Variants in ADAMTS17 observed in about 807,000 individuals in gnomAD.
ADAMTS17 encodes A disintegrin and metalloproteinase with thrombospondin motifs 17.
ADAMTS17 carries 113 observed loss-of-function variants against 141.5 expected under a neutral mutation model. The observed-to-expected ratio is 0.80, with a 90% CI of 0.69 to 0.93. The LOEUF (loss-of-function observed/expected upper bound fraction) is 0.93, where lower values mean the gene tolerates loss of function less well. Ranked by LOEUF, ADAMTS17 falls within the 40% of genes least tolerant of loss-of-function variation. The pLI is 0.00. For missense variants in ADAMTS17, 1,659 were observed against 1,517.9 expected, an observed-to-expected ratio of 1.09 and a Z score of -1.54; for synonymous variants, 768 against 630.6, an observed-to-expected ratio of 1.22 and a Z score of -3.27.
chr15:100,259,006 C>T (rs1467400317), intron 6 of ADAMTS17, among the ~76,000 whole-genome samples: 1 of 133,606 alleles, frequency 7.5e-6, no homozygotes, highest in African/African-American at 3.5e-5. Context: ...GCTTTCTCCA[C>T]TCAATGAAAC....
chr15:100,294,514 C>T (rs77717617), intron 3 of ADAMTS17, among the ~76,000 whole-genome samples: 2,231 of 152,042 alleles, frequency 0.015, 41 homozygotes, highest in African/African-American at 0.05. Flanking sequence ...GTAGAAGGAT[C>T]CCCCAAGCCT....
At chr15:100,209,143 A>C (rs2054565) in intron 7 of ADAMTS17, among the ~76,000 whole-genome samples, 61,644 of 146,364 alleles carry the variant, frequency 0.42, 13,856 homozygotes, top group African/African-American at 0.56. Flanking sequence ...AGGAAGAAAG[A>C]AAGAAAAGGA....
chr15:100,049,710 G>C lies in ADAMTS17; in HGVS notation c.2456-718C>G, dbSNP rs146508756. 3.8e-3 allele frequency among the ~76,000 whole-genome samples: 576 copies of C among 152,358 alleles called. 2 individuals carry two copies. The highest frequency in any genetic ancestry group is 0.013 in the African/African-American group (523 of 41,578). On this transcript the variant is annotated intron_variant, in intron 17 of 21. Coordinates refer to ENST00000268070, the MANE Select transcript of ADAMTS17 (RefSeq NM_139057.4). ...CAGGCTGAGTGACTGGGAGTTAGGA[G>C]GGTGGCCCTTGGAGCCAGGCTGTCT...
At chr15:100,199,182 A>C (rs1369713108) in intron 8 of ADAMTS17, 136 bp downstream of exon 8, 7 of 804,064 alleles carry the variant, frequency 8.7e-6, no homozygotes, top group Non-Finnish European at 1.3e-5. Context: ...ACCCTAGTGT[A>C]CTGACCTGGG....
chr15:100,301,707 A>G (rs1381506294), intron 3 of ADAMTS17, among the ~76,000 whole-genome samples: 2 of 152,112 alleles, frequency 1.3e-5, no homozygotes, highest in African/African-American at 4.8e-5. Flanking sequence ...TATCTTTACC[A>G]TCTTAAGAAA....
At chr15:100,233,709 A>G (rs2042563257) in intron 7 of ADAMTS17, among the ~76,000 whole-genome samples, 1 of 152,126 alleles carries the variant, frequency 6.6e-6, no homozygotes, top group Non-Finnish European at 1.5e-5. Context: ...CTCTCTGAGG[A>G]GATGCTCTTG....
chr15:100,341,405 G>C lies in ADAMTS17; in HGVS notation c.84C>G (p.Val28=). 9.8e-7 allele frequency: 1 copy of C among 1,016,038 alleles called. No homozygotes were observed. The highest frequency in any genetic ancestry group is 1.2e-6 in the Non-Finnish European group (1 of 851,704). 62.9% of individuals were successfully genotyped at this position (1,016,038 alleles called of 1,614,324 possible). A position where few individuals can be genotyped will look rare whatever the true frequency, so the allele number is the denominator to read the frequency against. The change falls in exon 2 of 22, where the codon GTC becomes GTG. Residue 28 remains valine, a synonymous_variant. Coordinates refer to ENST00000268070, the MANE Select transcript of ADAMTS17 (RefSeq NM_139057.4). ...LVWGLDPGTA[V]GDAAADVEVV... Reference sequence around the variant, plus strand: ...CCTCCACGTCGGCCGCCGCGTCGCCGACAGCTGCGGGGAGAGAGGAGACGC... The same window carrying C: ...CCTCCACGTCGGCCGCCGCGTCGCCCACAGCTGCGGGGAGAGAGGAGACGC...
chr15:100,045,663 C>A (rs1235519569), intron 18 of ADAMTS17, among the ~76,000 whole-genome samples: 4 of 152,232 alleles, frequency 2.6e-5, no homozygotes, highest in Non-Finnish European at 4.4e-5. Context: ...GGAGTTTTTC[C>A]TTCTCAGTTT....
At chr15:100,047,437 G>T (rs895118000) in intron 18 of ADAMTS17, among the ~76,000 whole-genome samples, 10 of 151,570 alleles carry the variant, frequency 6.6e-5, no homozygotes, top group African/African-American at 2.4e-4. Flanking sequence ...TACGGCTTGG[G>T]GGCATCACGG....
Position 99,973,920 on chromosome 15 carries a change from C to A in ADAMTS17, c.*482G>T. The A allele has an allele frequency of 4.2e-6, 1 of 235,786 alleles. No individual in the cohort carries two copies. Among genetic ancestry groups the A allele is most frequent in the African/African-American group, 2.3e-5 (1 of 43,350 alleles). 14.6% of individuals were successfully genotyped at this position (235,786 alleles called of 1,614,324 possible). On this transcript the variant is annotated 3_prime_UTR_variant, in exon 22 of 22. Transcript: ENST00000268070. ...AGAAACGTGTGCTAAGCAGCCCGGCCCTCCCCAGAGAAGCCACGGGCAGAG... is the reference window on the plus strand; with the variant it reads ...AGAAACGTGTGCTAAGCAGCCCGGCACTCCCCAGAGAAGCCACGGGCAGAG...
intron 10 of ADAMTS17, among the ~76,000 whole-genome samples, chr15:100,140,725 C>T (rs1439794992): frequency 6.6e-6 from 1 of 151,902 alleles, no homozygotes; most frequent in African/African-American, 2.4e-5. Flanking sequence ...AACACAGGCT[C>T]CTTCCCACTG....
intron 8 of ADAMTS17, among the ~76,000 whole-genome samples, chr15:100,187,618 G>A (rs1419626607): frequency 6.6e-6 from 1 of 152,118 alleles, no homozygotes; most frequent in East Asian, 1.9e-4. Context: ...CCAGGCCATG[G>A]GTAATAATAT....
At chr15:100,242,273 G>T (rs2141901956) in intron 7 of ADAMTS17, among the ~76,000 whole-genome samples, 1 of 152,270 alleles carries the variant, frequency 6.6e-6, no homozygotes, top group South Asian at 2.1e-4. Flanking sequence ...GCAGTCACTG[G>T]GAAAACGAAC....
chr15:100,268,099 C>T (rs1311223019), intron 4 of ADAMTS17, among the ~76,000 whole-genome samples: 2 of 150,676 alleles, frequency 1.3e-5, no homozygotes, highest in Non-Finnish European at 2.9e-5. Flanking sequence ...TGGCCTTTAG[C>T]TGTATCCATG....
intron 18 of ADAMTS17, among the ~76,000 whole-genome samples, chr15:100,001,944 G>C (rs192947680): frequency 3.7e-4 from 46 of 125,176 alleles, no homozygotes; most frequent in Non-Finnish European, 4.8e-5. Context: ...ACTCCAGCCT[G>C]CCAGCCTTGG....
At chr15:99,977,401 A>ATTTT (rs71151928) in intron 20 of ADAMTS17, among the ~76,000 whole-genome samples, 4 of 5,152 alleles carry the variant, frequency 7.8e-4, no homozygotes, top group Non-Finnish European at 1.4e-3. Context: ...TATATATATA[A>ATTTT]TTTTTTTTTT....
intron 7 of ADAMTS17, among the ~76,000 whole-genome samples, chr15:100,245,605 T>C (rs968559002): frequency 6.6e-6 from 1 of 152,232 alleles, no homozygotes; most frequent in Non-Finnish European, 1.5e-5. Flanking sequence ...GACACAACCC[T>C]GGCAGGAAGA....
chr15:100,301,491 ATT>A (rs55686011), intron 3 of ADAMTS17, among the ~76,000 whole-genome samples: 4,297 of 133,252 alleles, frequency 0.032, 70 homozygotes, highest in Middle Eastern at 0.054. Context: ...CACCGGGCTA[ATT>A]TTTTTTTTTT....
At chr15:100,249,926 T>C (rs923854454) in intron 7 of ADAMTS17, among the ~76,000 whole-genome samples, 2 of 152,332 alleles carry the variant, frequency 1.3e-5, no homozygotes, top group African/African-American at 4.8e-5. Context: ...CATAAGGAAC[T>C]GGAGGGCTGA....
Sources: gnomAD v4.1 joint callset for allele counts (sites outside exome capture counted in the v4.1 genomes callset) on GRCh38, gnomAD v4.1.1 for gene constraint, MANE v1.5 for transcripts, NCBI Gene and HGNC (gene_info 2026-07-23, HGNC 2026-07-21) for gene names.